SPTBN2: variants seen among roughly 807,000 people sequenced by gnomAD.
SPTBN2 encodes the protein spectrin beta chain, non-erythrocytic 2.
In SPTBN2, 107 loss-of-function variants were observed where a neutral mutation model predicts 284.2. The observed-to-expected ratio is 0.38, with a 90% CI of 0.32 to 0.44. The LOEUF is 0.44. Among genes scored for constraint, SPTBN2 ranks in the 20% least tolerant of loss-of-function variants. The pLI is 1.00. For synonymous variants in SPTBN2, 1,289 were observed against 1,354.8 expected, an observed-to-expected ratio of 0.95 and a Z score of 1.07; for missense variants, 2,569 against 3,287.1, an observed-to-expected ratio of 0.78 and a Z score of 5.34.
At position 66,685,972 on chromosome 11, in the gene SPTBN2, C is replaced by A. The variant is rs1338890856; in HGVS notation, c.7072G>T (p.Val2358Leu). 1.2e-6 allele frequency: 2 copies of A among 1,613,922 alleles called. No homozygotes were observed. The highest frequency in any genetic ancestry group is 2.2e-5 in the East Asian group (1 of 44,888). Residue 2358 changes from valine (V) to leucine (L), a missense_variant, in exon 38 of 38, where the codon GTG (valine) becomes TTG (leucine). Coordinates refer to ENST00000533211, the MANE Select transcript of SPTBN2 (RefSeq NM_006946.4). The surrounding 1 kb of genome is among the most constrained non-coding windows in gnomAD (Gnocchi z 4.4). Reference protein sequence around the residue: ...GMTRAMTMPPVSPVGAEGPVV... With the variant: ...GMTRAMTMPPLSPVGAEGPVV... ...GGCCCCTCAGCCCCGACGGGTGACA[C>A]TGGGGGCATGGTCATGGCCCGGGTC...
intron 1 of SPTBN2, among the ~76,000 whole-genome samples, chr11:66,737,600 A>T (rs908191750): frequency 6.6e-6 from 1 of 152,258 alleles, no homozygotes; most frequent in Non-Finnish European, 1.5e-5. Flanking sequence ...ACTGCTGCCC[A>T]AAGCTGGAAT....
rs11828658 is a variant in SPTBN2 at position 66,685,507 on chromosome 11, G to A, written c.*364C>T. ...CAGAAGGCAGAAGGCGAGTGCCCTC[G>A]CATGGCAGGAGAATGACCCTGAGGC... is the stretch of plus-strand genomic sequence containing the variant. On this transcript the variant is annotated 3_prime_UTR_variant, in exon 38 of 38. Transcript: ENST00000533211. This position sits in a 1 kb window ranked among gnomAD's most constrained non-coding sequence, Gnocchi z 4.4. 6.1e-3 allele frequency: 1,912 copies of A among 313,170 alleles called. 48 individuals are homozygous for A. The highest frequency in any genetic ancestry group is 0.038 in the African/African-American group (1,747 of 46,334). 19.4% of individuals were successfully genotyped at this position (313,170 alleles called of 1,614,324 possible). A position where few individuals can be genotyped will look rare whatever the true frequency, so the allele number is the denominator to read the frequency against.
intron 5 of SPTBN2, among the ~76,000 whole-genome samples, 158 bp from the exon 6 acceptor site, chr11:66,714,565 A>G (rs1966008016): frequency 6.6e-6 from 1 of 152,210 alleles, no homozygotes; most frequent in Admixed American, 6.5e-5. Flanking sequence ...GGGACCACAA[A>G]ACACTGGGTG....
rs1940779334 is a variant in SPTBN2, at chr11:66,694,383, A to C, written c.4279-20T>G. 5 of 1,612,140 alleles carry C rather than the reference A, an allele frequency of 3.1e-6. No individual in the cohort carries two copies. In the East Asian group the frequency reaches 1.1e-4, roughly 36 times the overall value. ...CAGCATCTGCAAACCGCCAGGAGGA[A>C]GGACATGTTAGCTCTGCATTTCCGC... On this transcript the variant is annotated intron_variant, in intron 21 of 37. Coordinates refer to ENST00000533211, the MANE Select transcript of SPTBN2 (RefSeq NM_006946.4).
rs1940253833 is a variant in SPTBN2 at position 66,687,931 on chromosome 11, G to C, written c.6451-13C>G. On this transcript the variant is annotated splice_polypyrimidine_tract_variant and intron_variant, in intron 33 of 37. Transcript: ENST00000533211. The surrounding 1 kb of genome is among the most constrained non-coding windows in gnomAD (Gnocchi z 5.2). ...GTCCCAGCAGGGGCTGCAAGGACAAGAATCTGTAAAAGGATGTGCGGGGGT... is the reference window on the plus strand; with the variant it reads ...GTCCCAGCAGGGGCTGCAAGGACAACAATCTGTAAAAGGATGTGCGGGGGT... The C allele has an allele frequency of 8.7e-6, 14 of 1,614,216 alleles. No individual in the cohort carries two copies. The highest frequency in any genetic ancestry group is 1.1e-5 in the Non-Finnish European group (13 of 1,180,044).
At chr11:66,739,626 A>G (rs1043672908) in intron 1 of SPTBN2, among the ~76,000 whole-genome samples, 10 of 152,224 alleles carry the variant, frequency 6.6e-5, no homozygotes, top group African/African-American at 2.4e-4. Flanking sequence ...ATGTGACCAC[A>G]TTACAGTGCT....
In SPTBN2 at chr11:66,698,855, G is replaced by A. The variant is rs1008822260; in HGVS notation, c.3868-70C>T. On this transcript the variant is annotated intron_variant, in intron 19 of 37. Transcript: ENST00000533211. ...GGGGGCATAAAAGCAGGGCCACAGT[G>A]AGCCAGGAGAAGTGGGCGCCTTGGG... The A allele has an allele frequency of 3.7e-6, 6 of 1,606,956 alleles. No individual in the cohort carries two copies. The African/African-American group carries it at 5.3e-5, about 14-fold the overall frequency.
chr11:66,721,393 T>C lies in SPTBN2; in HGVS notation c.-66A>G. 9.9e-7 allele frequency: 1 copy of C among 1,009,764 alleles called. No homozygotes were observed. The highest frequency in any genetic ancestry group is 1.3e-5 in the South Asian group (1 of 75,682). The allele number at this position is 1,009,764 out of a possible 1,614,324, so 62.6% of individuals were successfully genotyped here. On this transcript the variant is annotated 5_prime_UTR_variant, in exon 2 of 38. Transcript: ENST00000533211. ...GTGGCCAGAGGCTGCGGTTGGCTGC[T>C]CAGTGGAAATCAGCCCCCAGGGGAA...
chr11:66,705,390 A>C lies in SPTBN2; in HGVS notation c.1886T>G (p.Leu629Trp). 6.2e-7 allele frequency: 1 copy of C among 1,612,978 alleles called. No individual in the cohort carries two copies. Among genetic ancestry groups the C allele is most frequent in the Non-Finnish European group, 8.5e-7 (1 of 1,179,980 alleles). The change falls in exon 15 of 38, where the codon TTG becomes TGG. Residue 629 changes from leucine (L) to tryptophan (W), a missense_variant. Transcript: ENST00000533211. ...LEQSYEALCE[L>W]AAARRARLEE... Reference sequence around the variant, plus strand: ...CAGCCGGGCCCGCCGCGCCGCTGCCAACTCGCACAGTGCCTCATAGCTCTG... The same window carrying C: ...CAGCCGGGCCCGCCGCGCCGCTGCCCACTCGCACAGTGCCTCATAGCTCTG...
At chr11:66,737,180 T>C (rs931231468) in intron 1 of SPTBN2, among the ~76,000 whole-genome samples, 4 of 152,346 alleles carry the variant, frequency 2.6e-5, no homozygotes, top group Admixed American at 1.3e-4. Flanking sequence ...TAAAGTATAA[T>C]GTATGAAAAT....
chr11:66,705,594 C>A, intron 14 of SPTBN2, 90 bp downstream of exon 14: 2 of 1,602,380 alleles, frequency 1.2e-6, no homozygotes, highest in African/African-American at 2.7e-5. Context: ...ACCATCTTTC[C>A]CGTCCCCAGG....
Position 66,715,294 on chromosome 11 carries a change from G to C in SPTBN2, c.411C>G (p.Gly137=), listed in dbSNP as rs531913457. ...KEQKVHLENM[G]SHDIVDGNHR... is the part of the protein sequence containing the mutation. ...GGTTTCCGTCCACAATGTCATGGGAGCCCATGTTTTCCAAGTGCACTTTCT... is the reference window on the plus strand; with the variant it reads ...GGTTTCCGTCCACAATGTCATGGGACCCCATGTTTTCCAAGTGCACTTTCT... Residue 137 remains glycine, a synonymous_variant, in exon 5 of 38, where the codon GGC becomes GGG. Transcript: ENST00000533211. The surrounding 1 kb of genome is among the most constrained non-coding windows in gnomAD (Gnocchi z 5.3). The C allele has an allele frequency of 5.0e-6, 8 of 1,614,236 alleles. No individual in the cohort carries two copies. The South Asian group carries it at 7.7e-5, about 16-fold the overall frequency.
Position 66,734,885 on chromosome 11 carries a change from T to G in SPTBN2, c.-474-5693A>C, listed in dbSNP as rs375932994. ...ATGTATTTCCCATTTCTTTTATCCC[T>G]AATCTATCTCCATCACTTAAGCAGC... On this transcript the variant is annotated intron_variant, in intron 1 of 37. Transcript: ENST00000611817. 2.1e-4 allele frequency among the ~76,000 whole-genome samples: 32 copies of G among 152,356 alleles called. 1 individual carries two copies. In the South Asian group the frequency reaches 6.6e-3, roughly 32 times the overall value.
intron 20 of SPTBN2, among the ~76,000 whole-genome samples, chr11:66,697,479 A>G (rs548315258): frequency 7.2e-5 from 11 of 152,048 alleles, no homozygotes; most frequent in Non-Finnish European, 1.5e-4. Flanking sequence ...CTCTTCTTCC[A>G]TGGGGCCCTG....
Position 66,687,145 on chromosome 11 carries a change from C to T in SPTBN2, c.6745G>A (p.Val2249Ile), listed in dbSNP as rs774816936. The stretch of plus-strand genomic sequence containing the variant: ...AAGCCGAGGCTCCCACGCCGCAGGA[C>T]ACAGTACACGTTCTGCCAGGACCTG... ...ANRSWQNVYC[V>I]LRRGSLGFYK... The change falls in exon 36 of 38, where the codon GTC (valine) becomes ATC (isoleucine). Residue 2249 changes from valine to isoleucine, a missense_variant. Transcript: ENST00000533211. This position sits in a 1 kb window ranked among gnomAD's most constrained non-coding sequence, Gnocchi z 5.2. 11 of 1,614,028 alleles carry T rather than the reference C, an allele frequency of 6.8e-6. No homozygotes were observed. The Admixed American group carries it at 1.8e-4, about 27-fold the overall frequency.
At chr11:66,742,580 G>A (rs1205464240) in intron 1 of SPTBN2, among the ~76,000 whole-genome samples, 11 of 152,138 alleles carry the variant, frequency 7.2e-5, no homozygotes, top group African/African-American at 2.7e-4. Context: ...TCAAGGTGGA[G>A]CATTTTCTGC....
chr11:66,721,894 A>G (rs1323159774), intron 1 of SPTBN2, among the ~76,000 whole-genome samples: 1 of 152,124 alleles, frequency 6.6e-6, no homozygotes, highest in East Asian at 1.9e-4. Flanking sequence ...AAAAATACAA[A>G]AAATTAGCTG....
chr11:66,726,437 T>G (rs924926101), intron 1 of SPTBN2, among the ~76,000 whole-genome samples: 5 of 152,206 alleles, frequency 3.3e-5, no homozygotes, highest in Non-Finnish European at 7.3e-5. Flanking sequence ...ACACTGAAGC[T>G]AATGGTCTGG....
chr11:66,692,221 C>A (rs1169445485), intron 26 of SPTBN2, among the ~76,000 whole-genome samples: 1 of 152,112 alleles, frequency 6.6e-6, no homozygotes, highest in Admixed American at 6.6e-5. Context: ...CAGGCATGCA[C>A]GGCTGTGCCT....
Sources: gnomAD v4.1 joint callset for allele counts (sites outside exome capture counted in the v4.1 genomes callset) on GRCh38, gnomAD v4.1.1 for gene constraint, Gnocchi (gnomAD v3.1) non-coding constraint, MANE v1.5 for transcripts, NCBI Gene and HGNC (gene_info 2026-07-23, HGNC 2026-07-21) for gene names.